WWC2: variants seen among roughly 807,000 people sequenced by gnomAD.
The protein encoded by WWC2 is protein WWC2.
In WWC2, 101 loss-of-function variants were observed where a neutral mutation model predicts 138.5. The observed-to-expected ratio is 0.73, with a 90% confidence interval of 0.62 to 0.86. WWC2 has a LOEUF of 0.86. Among genes scored for constraint, WWC2 ranks in the 40% least tolerant of loss-of-function variants. The pLI is 0.00. For synonymous variants in WWC2, 558 were observed against 538.4 expected (o/e 1.04, Z -0.50); for missense variants, 1,420 against 1,419.4 (o/e 1.00, Z -0.01).
intron 11 of WWC2, among the ~76,000 whole-genome samples, chr4:183,264,567 G>A (rs796288921): frequency 2.1e-4 from 32 of 152,300 alleles, no homozygotes; most frequent in African/African-American, 7.5e-4. Context: ...ACCAAAAGAG[G>A]TGGAAACTTA....
chr4:183,159,405 C>CTAGT (rs1733895101), intron 1 of WWC2, among the ~76,000 whole-genome samples: 2 of 152,122 alleles, frequency 1.3e-5, no homozygotes, highest in Admixed American at 1.3e-4. Context: ...CAGTTCTTAT[C>CTAGT]TATTTATTTA....
At chr4:183,257,355 A>AGAATT (rs1231269279) in intron 9 of WWC2, among the ~76,000 whole-genome samples, 1 of 152,194 alleles carries the variant, frequency 6.6e-6, no homozygotes, top group East Asian at 1.9e-4. Flanking sequence ...CCCTAGGTGC[A>AGAATT]GAATTCTGAG....
rs993320008 is a variant in WWC2 at position 183,269,266 on chromosome 4, A to C, written c.2400+103A>C. 22 of 1,116,698 alleles carry C rather than the reference A, an allele frequency of 2.0e-5. No individual in the cohort carries two copies. The African/African-American group carries it at 3.3e-4, about 17-fold the overall frequency. 69.2% of individuals were successfully genotyped at this position (1,116,698 alleles called of 1,614,324 possible). ...TTGCCAGCCCTAGAAATCACTACAG[A>C]CCTGCCCAACATCTTGGGATACATC... On this transcript the variant is annotated intron_variant, in intron 15 of 22. Coordinates refer to ENST00000403733, the MANE Select transcript of WWC2 (RefSeq NM_024949.6).
intron 4 of WWC2, among the ~76,000 whole-genome samples, chr4:183,215,928 A>G (rs552422640): frequency 2.0e-5 from 3 of 152,208 alleles, no homozygotes; most frequent in Non-Finnish European, 4.4e-5. Flanking sequence ...TTGACAGGAA[A>G]ATATCACTCA....
intron 1 of WWC2, among the ~76,000 whole-genome samples, chr4:183,185,684 G>A (rs1222519084): frequency 6.6e-6 from 1 of 152,154 alleles, no homozygotes; most frequent in East Asian, 1.9e-4. Flanking sequence ...ATGCGGCAGA[G>A]CTTGCAACCA....
intron 2 of WWC2, among the ~76,000 whole-genome samples, chr4:183,207,193 T>G: frequency 3.4e-3 from 1 of 292 alleles, no homozygotes; most frequent in African/African-American, 6.3e-3. Flanking sequence ...TGGTCTGGGT[T>G]TTTTTTTTTT....
At chr4:183,112,722 TTAAAA>T (rs1453959308) in intron 1 of WWC2, among the ~76,000 whole-genome samples, 1 of 152,136 alleles carries the variant, frequency 6.6e-6, no homozygotes, top group Non-Finnish European at 1.5e-5. Flanking sequence ...TTTGCTTTGA[TTAAAA>T]TAAACAAGAT....
At chr4:183,129,418 A>G (rs923603407) in intron 1 of WWC2, among the ~76,000 whole-genome samples, 2 of 152,220 alleles carry the variant, frequency 1.3e-5, no homozygotes, top group Non-Finnish European at 2.9e-5. Flanking sequence ...AAATGGAAAC[A>G]TGGTTACCTA....
intron 4 of WWC2, among the ~76,000 whole-genome samples, chr4:183,222,458 T>C (rs1735960950): frequency 6.6e-6 from 1 of 152,014 alleles, no homozygotes; most frequent in South Asian, 2.1e-4. Context: ...AGAATTAACT[T>C]TTATCAAGAA....
At chr4:183,270,914 C>G (rs1345122155) in intron 15 of WWC2, among the ~76,000 whole-genome samples, 166 bp from the exon 16 acceptor site, 1 of 152,048 alleles carries the variant, frequency 6.6e-6, no homozygotes, top group Non-Finnish European at 1.5e-5. Flanking sequence ...TAACATATCC[C>G]CATGTTTTAA....
chr4:183,245,761 G>T (rs907795892), intron 6 of WWC2, among the ~76,000 whole-genome samples: 23 of 152,174 alleles, frequency 1.5e-4, no homozygotes, highest in African/African-American at 5.5e-4. Context: ...ATGCTTCGTT[G>T]TAAGCAGCCT....
intron 21 of WWC2, among the ~76,000 whole-genome samples, chr4:183,295,061 T>A (rs1738590808): frequency 6.8e-6 from 1 of 147,598 alleles, no homozygotes. Flanking sequence ...AGTCAAGAAG[T>A]GTGTTTGTTT....
chr4:183,276,429 C>T (rs1737857479), intron 16 of WWC2, among the ~76,000 whole-genome samples: 3 of 151,556 alleles, frequency 2.0e-5, no homozygotes, highest in South Asian at 4.1e-4. Context: ...TTTTCGTTTT[C>T]CCCTCTACTA....
intron 5 of WWC2, among the ~76,000 whole-genome samples, chr4:183,244,571 A>G (rs1160835034): frequency 1.3e-5 from 2 of 149,876 alleles, no homozygotes; most frequent in East Asian, 3.9e-4. Flanking sequence ...AATAAATATT[A>G]TATATATATA....
intron 21 of WWC2, 68 bp downstream of exon 21, chr4:183,289,703 GTACCCAAC>G: frequency 1.3e-6 from 2 of 1,562,120 alleles, no homozygotes; most frequent in Admixed American, 3.9e-5. Context: ...CATGTAGAAG[GTACCCAAC>G]TTACACTTCT....
intron 1 of WWC2, among the ~76,000 whole-genome samples, chr4:183,172,315 C>T (rs1734312800): frequency 6.6e-6 from 1 of 152,162 alleles, no homozygotes; most frequent in Non-Finnish European, 1.5e-5. Context: ...GATATCATGT[C>T]TTCCAGTTTT....
intron 1 of WWC2, among the ~76,000 whole-genome samples, chr4:183,172,556 G>GTTTTTTTTTTTTTTTTTTTTTTTTTGT (rs61599876): frequency 8.8e-6 from 1 of 113,068 alleles, no homozygotes; most frequent in South Asian, 3.0e-4. Context: ...TATGTTTCTT[G>GTTTTTTTTTTTTTTTTTTTTTTTTTGT]TTTTTTTTTT....
chr4:183,227,651 A>G (rs1736110835), intron 4 of WWC2, among the ~76,000 whole-genome samples: 1 of 152,116 alleles, frequency 6.6e-6, no homozygotes, highest in Non-Finnish European at 1.5e-5. Context: ...CACGTAATGA[A>G]TTAAAAATCA....
Position 183,253,618 on chromosome 4 carries a change from A to G in WWC2, c.954-139A>G, listed in dbSNP as rs1432362658. 5.9e-6 allele frequency: 6 copies of G among 1,010,348 alleles called. No homozygotes were observed. The East Asian group carries it at 1.3e-4, about 22-fold the overall frequency. The allele number at this position is 1,010,348 out of a possible 1,614,324, so 62.6% of individuals were successfully genotyped here. A position where few individuals can be genotyped will look rare whatever the true frequency, so the allele number is the denominator to read the frequency against. ...GCTGCTCCCACTCCGGCCTCTCACC[A>G]GTAGACCACACCTCTTTCTGGTAAG... On this transcript the variant is annotated intron_variant, in intron 8 of 22. Transcript: ENST00000403733.
Sources: allele counts gnomAD v4.1 joint callset (sites outside exome capture counted in the v4.1 genomes callset), GRCh38; gene constraint gnomAD v4.1.1; transcripts MANE v1.5; gene names NCBI Gene and HGNC (gene_info 2026-07-23, HGNC 2026-07-21).